DZANK1: variants seen among roughly 807,000 people sequenced by gnomAD.
The protein encoded by DZANK1 is double zinc ribbon and ankyrin repeat domains 1, also known as double zinc ribbon and ankyrin repeat-containing protein 1.
A neutral mutation model predicts 94.5 loss-of-function variants in DZANK1; 91 were observed. That is an observed-to-expected ratio of 0.96 (90% CI 0.81 to 1.15). The LOEUF (loss-of-function observed/expected upper bound fraction) is 1.15. Among genes scored for constraint, DZANK1 ranks in the 50% most tolerant of loss-of-function variants. DZANK1 has a pLI of 0.00. For missense variants in DZANK1, 903 were observed against 916.4 expected (o/e 0.99, Z 0.19); for synonymous variants, 312 against 325.3 (o/e 0.96, Z 0.44).
At chr20:18,409,393 G>A (rs1028255440) in intron 13 of DZANK1, among the ~76,000 whole-genome samples, 2 of 152,090 alleles carry the variant, frequency 1.3e-5, no homozygotes, top group Admixed American at 6.6e-5. Flanking sequence ...GTAGATCAAC[G>A]TATTCAAAGT....
At chr20:18,448,820 C>T (rs554591053) in intron 7 of DZANK1, among the ~76,000 whole-genome samples, 164 bp downstream of exon 7, 111 of 147,022 alleles carry the variant, frequency 7.5e-4, no homozygotes, top group Non-Finnish European at 1.4e-3. Context: ...TGAGCCAAAA[C>T]TGCACCACCG....
chr20:18,444,077 T>A (rs115013968), intron 7 of DZANK1, among the ~76,000 whole-genome samples: 1 of 152,200 alleles, frequency 6.6e-6, no homozygotes, highest in Non-Finnish European at 1.5e-5. Flanking sequence ...ATTCCTTTCC[T>A]GCTACTGCCA....
At chr20:18,397,873 T>C (rs2056437487) in intron 14 of DZANK1, among the ~76,000 whole-genome samples, 1 of 152,168 alleles carries the variant, frequency 6.6e-6, no homozygotes, top group South Asian at 2.1e-4. Context: ...CAAGAAGTGC[T>C]GGAGGTGAGT....
chr20:18,413,141 TC>T (rs1456202036), intron 12 of DZANK1: 1 of 464,834 alleles, frequency 2.2e-6, no homozygotes, highest in Non-Finnish European at 3.8e-6. Flanking sequence ...AGCTCTGTAA[TC>T]CAATAGAGCA....
chr20:18,439,267 G>A lies in DZANK1; in HGVS notation c.747+4080C>T, dbSNP rs965104915. Among the ~76,000 whole-genome samples the A allele has an allele frequency of 5.9e-5, 9 of 152,182 alleles. No individual in the cohort carries two copies. In the South Asian group the frequency reaches 8.3e-4, roughly 14 times the overall value. On this transcript the variant is annotated intron_variant, in intron 8 of 20. Transcript: ENST00000262547. ...AAGCAACAAGTCCCCTTGGGGAAGC[G>A]TTCAAGGAAGACTTATGATATGTAC...
In DZANK1 at chr20:18,385,061, G is replaced by C. The variant is rs147217634; in HGVS notation, c.2048C>G (p.Thr683Ser). 1.1e-4 allele frequency: 174 copies of C among 1,553,406 alleles called. 1 individual carries two copies. The East Asian group carries it at 3.5e-3, about 31-fold the overall frequency. The change falls in exon 20 of 21, where the codon ACT becomes AGT. Residue 683 changes from threonine (T) to serine (S), a missense_variant. Thr to Ser is a moderately conservative substitution (Grantham distance 58). Coordinates refer to ENST00000262547, the Ensembl canonical transcript of DZANK1. Reference sequence around the variant, plus strand: ...CTCTCTTCCTGCAAGGCCAAGCAGAGTTGCTTCATGAAGAGCTGTATTTCT... The same window carrying C: ...CTCTCTTCCTGCAAGGCCAAGCAGACTTGCTTCATGAAGAGCTGTATTTCT...
intron 20 of DZANK1, 110 bp downstream of exon 20, chr20:18,384,906 A>T: frequency 3.8e-6 from 4 of 1,059,832 alleles, no homozygotes; most frequent in Non-Finnish European, 5.5e-6. Context: ...GGTGGTCCCC[A>T]TGGACAGGGA....
chr20:18,441,207 C>T lies in DZANK1; in HGVS notation c.747+2140G>A, dbSNP rs374246181. Among the ~76,000 whole-genome samples the T allele has an allele frequency of 1.3e-4, 20 of 152,304 alleles. No individual in the cohort carries two copies. The East Asian group carries it at 1.9e-3, about 15-fold the overall frequency. ...TCAATTGGCACGTCATCACAATCAG[C>T]CACAGGTGACAGCCTGATTAACTGT... On this transcript the variant is annotated intron_variant, in intron 8 of 20. Transcript: ENST00000262547. This position sits in a 1 kb window ranked among gnomAD's most constrained non-coding sequence, Gnocchi z 4.1.
At chr20:18,416,149 T>A (rs1490294475) in intron 10 of DZANK1, among the ~76,000 whole-genome samples, 2 of 152,138 alleles carry the variant, frequency 1.3e-5, no homozygotes, top group Non-Finnish European at 2.9e-5. Flanking sequence ...ATTGTCCCCA[T>A]CTTACAGAGG....
intron 17 of DZANK1, among the ~76,000 whole-genome samples, chr20:18,391,256 T>C (rs1422578262): frequency 1.3e-5 from 2 of 151,952 alleles, no homozygotes; most frequent in East Asian, 3.9e-4. Context: ...TTCTCTGAGA[T>C]GGAGTCTTGC....
rs572204875 is a variant in DZANK1 at position 18,442,486 on chromosome 20, T to C, written c.747+861A>G. 2.6e-5 allele frequency among the ~76,000 whole-genome samples: 4 copies of C among 152,310 alleles called. No individual in the cohort carries two copies. The South Asian group carries it at 6.2e-4, about 24-fold the overall frequency. On this transcript the variant is annotated intron_variant, in intron 8 of 20. Transcript: ENST00000262547. ...ACCCTTATTCCCTAAGATTCTGCCA[T>C]TATATATTAGCAAAATCTTTAAGGA...
intron 7 of DZANK1, among the ~76,000 whole-genome samples, chr20:18,445,086 C>T (rs887275387): frequency 2.6e-5 from 4 of 151,920 alleles, no homozygotes; most frequent in African/African-American, 4.8e-5. Context: ...GGATTACAGG[C>T]GTGAGCCACC....
intron 1 of DZANK1, among the ~76,000 whole-genome samples, chr20:18,466,146 A>C (rs557589303): frequency 6.6e-6 from 1 of 152,212 alleles, no homozygotes; most frequent in Non-Finnish European, 1.5e-5. Context: ...TTAACACAAC[A>C]ACCATTTACA....
chr20:18,452,791 T>C, intron 5 of DZANK1, 52 bp from the exon 6 acceptor site: 3 of 1,496,630 alleles, frequency 2.0e-6, no homozygotes, highest in Non-Finnish European at 1.8e-6. Flanking sequence ...TTATACATAA[T>C]CATACAAAGA....
intron 17 of DZANK1, among the ~76,000 whole-genome samples, chr20:18,391,837 C>T (rs533450567): frequency 7.9e-5 from 12 of 152,330 alleles, no homozygotes; most frequent in Middle Eastern, 3.4e-3. Flanking sequence ...CCTCCTTTCT[C>T]GCTGTCCCCA....
intron 10 of DZANK1, among the ~76,000 whole-genome samples, chr20:18,422,161 C>T (rs983363034): frequency 2.6e-5 from 4 of 152,106 alleles, no homozygotes; most frequent in African/African-American, 9.7e-5. Context: ...TAAGCTTTTT[C>T]CCTATGTTTT....
At chr20:18,384,928 G>A in intron 20 of DZANK1, 88 bp downstream of exon 20, 1 of 1,319,734 alleles carries the variant, frequency 7.6e-7, no homozygotes, top group Non-Finnish European at 1.1e-6. Context: ...AGCAGTTCAG[G>A]AACCAAGGCC....
At chr20:18,409,795 C>T (rs1464896783) in intron 13 of DZANK1, among the ~76,000 whole-genome samples, 3 of 151,994 alleles carry the variant, frequency 2.0e-5, no homozygotes, top group Non-Finnish European at 2.9e-5. Context: ...TGAGGCCAGG[C>T]GTGGTGGCTC....
intron 14 of DZANK1, 90 bp from the exon 15 acceptor site, chr20:18,396,636 T>C (rs962617229): frequency 4.1e-5 from 36 of 876,472 alleles, no homozygotes; most frequent in Non-Finnish European, 6.0e-5. Flanking sequence ...GATGTCAAAC[T>C]CTAAATTTAA....
Sources: allele counts gnomAD v4.1 joint callset (sites outside exome capture counted in the v4.1 genomes callset), GRCh38; gene constraint gnomAD v4.1.1; non-coding constraint Gnocchi (gnomAD v3.1); transcripts MANE v1.5; gene names NCBI Gene and HGNC (gene_info 2026-07-23, HGNC 2026-07-21).